UGT1A10: variants seen among roughly 807,000 people sequenced by gnomAD.
The protein encoded by UGT1A10 is UDP glucuronosyltransferase family 1 member A10, also known as UDP-glucuronosyltransferase 1A10.
In UGT1A10, 49 loss-of-function variants were observed where a neutral mutation model predicts 45.8. The observed-to-expected ratio is 1.07, with a 90% CI of 0.85 to 1.36. UGT1A10 has a LOEUF of 1.36. Ranked by LOEUF, UGT1A10 falls within the 40% of genes most tolerant of loss-of-function variation. UGT1A10 has a pLI of 0.00. For synonymous variants in UGT1A10, 284 were observed against 249.7 expected (o/e 1.14, Z -1.29); for missense variants, 745 against 668.6 (o/e 1.11, Z -1.26).
At chr2:233,663,081 G>A (rs1359845087) in intron 1 of UGT1A10, among the ~76,000 whole-genome samples, 1 of 152,086 alleles carries the variant, frequency 6.6e-6, no homozygotes, top group Non-Finnish European at 1.5e-5. Flanking sequence ...TTCATCTGCA[G>A]AACTCTCTTC....
chr2:233,772,482 T>C lies in UGT1A10; in HGVS notation c.1516T>C (p.Cys506Arg). Residue 506 changes from cysteine to arginine, a missense_variant, in exon 5 of 5, where the codon TGT becomes CGT. Physicochemically the swap from Cys to Arg is radical, Grantham distance 180. Coordinates refer to ENST00000344644, the MANE Select transcript of UGT1A10 (RefSeq NM_019075.4). ...VLTVAFITFK[C>R]CAYGYRKCLG... ...GACAGTGGCCTTCATCACCTTTAAA[T>C]GTTGTGCTTATGGCTACCGGAAATG... The C allele has an allele frequency of 6.2e-7, 1 of 1,614,124 alleles. No individual in the cohort carries two copies. Among genetic ancestry groups the C allele is most frequent in the Non-Finnish European group, 8.5e-7 (1 of 1,180,034 alleles).
At chr2:233,643,497 A>C (rs2073514743) in intron 1 of UGT1A10, among the ~76,000 whole-genome samples, 1 of 152,128 alleles carries the variant, frequency 6.6e-6, no homozygotes, top group Admixed American at 6.5e-5. Flanking sequence ...GTCCGAGTCA[A>C]GTCCTGGAAT....
Position 233,644,052 on chromosome 2 carries a change from C to T in UGT1A10, c.855+6675C>T, listed in dbSNP as rs555145187. Among the ~76,000 whole-genome samples the T allele has an allele frequency of 9.2e-4, 140 of 152,296 alleles. 1 individual carries two copies. In the Middle Eastern group the frequency reaches 0.01, roughly 11 times the overall value. On this transcript the variant is annotated intron_variant, in intron 1 of 4. Coordinates refer to ENST00000344644, the MANE Select transcript of UGT1A10 (RefSeq NM_019075.4). ...GATGTCGGTACTCCCTTGGCTGCTT[C>T]AGCTAGTGTTTCAGTATGTCATACT...
intron 1 of UGT1A10, among the ~76,000 whole-genome samples, chr2:233,694,882 G>T (rs2075245921): frequency 6.6e-6 from 1 of 152,096 alleles, no homozygotes; most frequent in Admixed American, 6.5e-5. Context: ...CACATTTGGG[G>T]GGTTCATGTG....
rs562389152 is a variant in UGT1A10 at position 233,767,124 on chromosome 2, G to C, written c.946G>C (p.Ala316Pro). The C allele has an allele frequency of 6.2e-7, 1 of 1,614,112 alleles. No individual in the cohort carries two copies. The highest frequency in any genetic ancestry group is 2.2e-5 in the East Asian group (1 of 44,864). Residue 316 changes from alanine (A) to proline (P), a missense_variant, in exon 2 of 5, where the codon GCT (alanine) becomes CCT (proline). Transcript: ENST00000344644. ...GGTCTCAGAAATTCCAGAGAAGAAA[G>C]CTATGGCAATTGCTGATGCTTTGGG... ...SMVSEIPEKK[A>P]MAIADALGKI...
At chr2:233,695,023 A>G (rs934384118) in intron 1 of UGT1A10, among the ~76,000 whole-genome samples, 2 of 152,150 alleles carry the variant, frequency 1.3e-5, no homozygotes, top group Non-Finnish European at 2.9e-5. Flanking sequence ...TTTGAACTGC[A>G]GTATACATTC....
At chr2:233,696,174 A>G (rs1477446914) in intron 1 of UGT1A10, among the ~76,000 whole-genome samples, 1 of 152,242 alleles carries the variant, frequency 6.6e-6, no homozygotes, top group African/African-American at 2.4e-5. Flanking sequence ...AAAAATATAT[A>G]TTGAAGAGCT....
At chr2:233,761,150 A>G (rs1384998466) in intron 1 of UGT1A10, 2 of 1,614,204 alleles carry the variant, frequency 1.2e-6, no homozygotes, top group Non-Finnish European at 1.7e-6. Flanking sequence ...CCACTATCCC[A>G]GGTGTGTATT....
chr2:233,697,866 T>G (rs2075414431), intron 1 of UGT1A10, among the ~76,000 whole-genome samples: 1 of 152,208 alleles, frequency 6.6e-6, no homozygotes, highest in Admixed American at 6.5e-5. Flanking sequence ...ATGCATTTAT[T>G]TAATGATTTC....
intron 1 of UGT1A10, chr2:233,690,985 T>A: frequency 2.0e-6 from 2 of 995,592 alleles, no homozygotes; most frequent in Non-Finnish European, 2.4e-6. Flanking sequence ...GACCCACATA[T>A]GAGCAACAGG....
intron 1 of UGT1A10, among the ~76,000 whole-genome samples, chr2:233,712,676 G>C (rs2076247932): frequency 6.6e-6 from 1 of 152,192 alleles, no homozygotes; most frequent in Admixed American, 6.5e-5. Context: ...AGGAGACAGT[G>C]ACATGAAATG....
At chr2:233,743,465 C>G in intron 1 of UGT1A10, 1 of 1,366,596 alleles carries the variant, frequency 7.3e-7, no homozygotes, top group Non-Finnish European at 9.8e-7. Flanking sequence ...AAAACACCCC[C>G]AAAAGCTGGA....
In UGT1A10 at chr2:233,648,819, G is replaced by A. The variant is rs1425224889; in HGVS notation, c.855+11442G>A. 19 of 1,018,388 alleles carry A rather than the reference G, an allele frequency of 1.9e-5. No individual in the cohort carries two copies. The East Asian group carries it at 6.6e-4, about 36-fold the overall frequency. The allele number at this position is 1,018,388 out of a possible 1,614,324, so 63.1% of individuals were successfully genotyped here. On this transcript the variant is annotated intron_variant, in intron 1 of 4. Coordinates refer to ENST00000344644, the MANE Select transcript of UGT1A10 (RefSeq NM_019075.4). ...GGAACCACATCTTCTACTTAGAGGA[G>A]CATTTATTTTGCCCATATTTTTTCA...
intron 1 of UGT1A10, among the ~76,000 whole-genome samples, chr2:233,765,265 C>G (rs1223500650): frequency 6.6e-6 from 1 of 152,098 alleles, no homozygotes; most frequent in Non-Finnish European, 1.5e-5. Context: ...GGTATATACC[C>G]AAAGAAATAT....
chr2:233,682,054 CA>C, intron 1 of UGT1A10: 3 of 1,614,100 alleles, frequency 1.9e-6, no homozygotes, highest in Non-Finnish European at 2.5e-6. Context: ...GCCACTGGTT[CA>C]CCATGCAGTC....
chr2:233,767,556 C>T (rs1699418440), intron 2 of UGT1A10, among the ~76,000 whole-genome samples: 1 of 152,172 alleles, frequency 6.6e-6, no homozygotes, highest in African/African-American at 2.4e-5. Flanking sequence ...GTTCTGCATC[C>T]ACTTGTTTCA....
rs753668254 is a variant in UGT1A10 at position 233,760,974 on chromosome 2, G to A, written c.856-6060G>A. On this transcript the variant is annotated intron_variant, in intron 1 of 4. Coordinates refer to ENST00000344644, the MANE Select transcript of UGT1A10 (RefSeq NM_019075.4). ...TTCTGTGCGACGTGGTTTATTCCCC[G>A]TATGCAACCCTTGCCTCAGAATTCC... 78 of 1,614,002 alleles carry A rather than the reference G, an allele frequency of 4.8e-5. No individual in the cohort carries two copies. Among genetic ancestry groups the A allele is most frequent in the Admixed American group, 2.5e-4 (15 of 59,996 alleles).
chr2:233,735,863 T>C (rs1339827457), intron 1 of UGT1A10, among the ~76,000 whole-genome samples: 2 of 151,778 alleles, frequency 1.3e-5, no homozygotes, highest in Non-Finnish European at 2.9e-5. Context: ...CTTGTAGGGT[T>C]TCTGCAGAGA....
chr2:233,715,021 C>T (rs12477216), intron 1 of UGT1A10, among the ~76,000 whole-genome samples: 15,421 of 152,076 alleles, frequency 0.1, 899 homozygotes, highest in East Asian at 0.2. Context: ...GAACTACAGG[C>T]GCATGGCACC....
Sources: gnomAD v4.1 joint callset for allele counts (sites outside exome capture counted in the v4.1 genomes callset) on GRCh38, gnomAD v4.1.1 for gene constraint, MANE v1.5 for transcripts, NCBI Gene and HGNC (gene_info 2026-07-23, HGNC 2026-07-21) for gene names.